Variants in NR3C1 observed in about 807,000 individuals in gnomAD.
The protein encoded by NR3C1 is glucocorticoid receptor.
In NR3C1, 14 loss-of-function variants were observed where a neutral mutation model predicts 74.0. The ratio of observed to expected loss-of-function variants is 0.19; its 90% CI spans 0.12 to 0.30. The LOEUF (loss-of-function observed/expected upper bound fraction) is 0.30, where lower values mean the gene tolerates loss of function less well. NR3C1 is among the 10% of genes least tolerant of loss of function. The pLI, the probability that NR3C1 is intolerant of heterozygous loss-of-function variation, is 1.00. For synonymous variants in NR3C1, 308 were observed against 332.5 expected (o/e 0.93, Z 0.80); for missense variants, 695 against 909.8 (o/e 0.76, Z 3.04).
chr5:143,398,048 A>G (rs1839548481), intron 2 of NR3C1, among the ~76,000 whole-genome samples: 2 of 151,992 alleles, frequency 1.3e-5, no homozygotes, highest in African/African-American at 4.8e-5. Context: ...TACATGTTTT[A>G]TAAATCAATT....
chr5:143,377,542 T>C (rs1017466388), intron 2 of NR3C1, among the ~76,000 whole-genome samples: 6 of 152,388 alleles, frequency 3.9e-5, no homozygotes, highest in African/African-American at 7.2e-5. Flanking sequence ...GTCTGCATCA[T>C]GTCTCTCTAG....
At chr5:143,343,361 T>G (rs1165773239) in intron 2 of NR3C1, among the ~76,000 whole-genome samples, 2 of 152,214 alleles carry the variant, frequency 1.3e-5, no homozygotes, top group Non-Finnish European at 2.9e-5. Flanking sequence ...TTGCTTGACC[T>G]GATAGTCTCC....
At chr5:143,285,501 A>G (rs1030214305) in intron 7 of NR3C1, among the ~76,000 whole-genome samples, 1 of 152,238 alleles carries the variant, frequency 6.6e-6, no homozygotes, top group African/African-American at 2.4e-5. Context: ...GTATACACAG[A>G]ACATTAATCT....
At position 143,362,782 on chromosome 5, in the gene NR3C1, C is replaced by T. The variant is rs187903592; in HGVS notation, c.1184+36874G>A. On this transcript the variant is annotated intron_variant, in intron 2 of 8. Coordinates refer to ENST00000394464, the MANE Select transcript of NR3C1 (RefSeq NM_000176.3). ...CTTAGTGCTTCCCTGGGGCACATGA[C>T]GGGTGGAGGAGTTGAAAACATTTAT... Among the ~76,000 whole-genome samples, 208 of 152,230 alleles carry T rather than the reference C, an allele frequency of 1.4e-3. 3 individuals carry two copies. Among genetic ancestry groups the T allele is most frequent in the East Asian group, 6.7e-3 (35 of 5,190 alleles).
rs1818338134 is a variant in NR3C1, at chr5:143,300,796, A to G, written c.1469-33T>C. On this transcript the variant is annotated intron_variant, in intron 4 of 8. Coordinates refer to ENST00000394464, the MANE Select transcript of NR3C1 (RefSeq NM_000176.3). This position sits in a 1 kb window ranked among gnomAD's most constrained non-coding sequence, Gnocchi z 5.2. ...TATTTAAACAAATACATAGAAATGA[A>G]CTGTAATGGGAAGGTCTGCGCTACA... 6.3e-7 allele frequency: 1 copy of G among 1,597,480 alleles called. No individual in the cohort carries two copies. Among genetic ancestry groups the G allele is most frequent in the Non-Finnish European group, 8.6e-7 (1 of 1,166,438 alleles).
chr5:143,279,115 C>T lies in NR3C1; in HGVS notation c.*2774G>A, dbSNP rs1812736629. The T allele has an allele frequency of 2.1e-6, 1 of 476,842 alleles. No homozygotes were observed. Among genetic ancestry groups the T allele is most frequent in the Non-Finnish European group, 3.6e-6 (1 of 275,412 alleles). 29.5% of individuals were successfully genotyped at this position (476,842 alleles called of 1,614,324 possible). A position where few individuals can be genotyped will look rare whatever the true frequency, so the allele number is the denominator to read the frequency against. On this transcript the variant is annotated 3_prime_UTR_variant, in exon 9 of 9. Transcript: ENST00000394464. ...GGTTGGGATGGCCAGATAACACATA[C>T]ATAGGAAATAAATCTGCTTTCAAAC... is the stretch of plus-strand genomic sequence containing the variant.
In NR3C1 at chr5:143,312,744, A is replaced by G. The variant is rs182823328; in HGVS notation, c.1351+1258T>C. ...AATCGTTAAGTCAGGGACTGTCCGT[A>G]TTATTATTATCACTGCATTTATATC... On this transcript the variant is annotated intron_variant, in intron 3 of 8. Coordinates refer to ENST00000394464, the MANE Select transcript of NR3C1 (RefSeq NM_000176.3). Among the ~76,000 whole-genome samples the G allele has an allele frequency of 3.9e-5, 6 of 152,298 alleles. No homozygotes were observed. The East Asian group carries it at 9.6e-4, about 24-fold the overall frequency.
chr5:143,426,506 C>T (rs1421153983), intron 1 of NR3C1, among the ~76,000 whole-genome samples: 7 of 152,074 alleles, frequency 4.6e-5, no homozygotes, highest in African/African-American at 7.2e-5. Flanking sequence ...CATTAATATT[C>T]GTTTTACAAA....
At chr5:143,294,907 C>T in intron 7 of NR3C1, 2 of 984,544 alleles carry the variant, frequency 2.0e-6, no homozygotes, top group East Asian at 2.3e-4. Flanking sequence ...TTTGTCTTTG[C>T]TAGCTAAAAA....
At chr5:143,405,269 C>T (rs914337294), upstream of NR3C1, 5 of 985,622 alleles carry the variant, frequency 5.1e-6, no homozygotes, top group African/African-American at 1.7e-5. Context: ...GCTCCTGACA[C>T]GGGCGGGGGC....
chr5:143,393,716 C>G (rs1382813620), intron 2 of NR3C1, among the ~76,000 whole-genome samples: 1 of 152,058 alleles, frequency 6.6e-6, no homozygotes, highest in African/African-American at 2.4e-5. Context: ...GGTCATAAGT[C>G]ACAGCACTGC....
chr5:143,342,060 C>G (rs61752277), intron 2 of NR3C1, among the ~76,000 whole-genome samples: 19 of 151,480 alleles, frequency 1.3e-4, no homozygotes, highest in African/African-American at 4.1e-4. Context: ...AGACTTTCAA[C>G]AAGAATCTAC....
chr5:143,337,399 T>C (rs2151728995), intron 2 of NR3C1, among the ~76,000 whole-genome samples: 1 of 152,302 alleles, frequency 6.6e-6, no homozygotes, highest in Middle Eastern at 3.4e-3. Flanking sequence ...TGGAAGACAG[T>C]TTGGTATTAT....
At position 143,401,603 on chromosome 5, in the gene NR3C1, T is replaced by C. The variant is rs10482617; in HGVS notation, c.-13-751A>G. Among the ~76,000 whole-genome samples the C allele has an allele frequency of 5.4e-3, 822 of 152,304 alleles. 5 individuals carry two copies. The highest frequency in any genetic ancestry group is 0.022 in the East Asian group (115 of 5,188). On this transcript the variant is annotated intron_variant, in intron 1 of 8. Coordinates refer to ENST00000394464, the MANE Select transcript of NR3C1 (RefSeq NM_000176.3). The stretch of plus-strand genomic sequence containing the variant: ...AAGAGCAGAAGAGAAGGTGTAGTAG[T>C]TTCTCACTACGTTGTTAGCTTACAT...
intron 2 of NR3C1, among the ~76,000 whole-genome samples, chr5:143,323,324 G>A (rs1458126631): frequency 6.6e-6 from 1 of 152,164 alleles, no homozygotes; most frequent in East Asian, 1.9e-4. Flanking sequence ...GAGGTGAAAG[G>A]TACTTCTTAC....
rs74830033 is a variant in NR3C1, at chr5:143,389,297, G to A, written c.1184+10359C>T. ...GCCAAGTGCAATTAGAAGGACCTTG[G>A]AGATCATCTAGTTAACCTCCCACTC... On this transcript the variant is annotated intron_variant, in intron 2 of 8. Coordinates refer to ENST00000394464, the MANE Select transcript of NR3C1 (RefSeq NM_000176.3). Among the ~76,000 whole-genome samples the A allele has an allele frequency of 3.3e-3, 506 of 152,202 alleles. 3 individuals carry two copies. The highest frequency in any genetic ancestry group is 6.5e-3 in the Non-Finnish European group (442 of 67,980).
intron 2 of NR3C1, among the ~76,000 whole-genome samples, chr5:143,390,287 A>G (rs1375294730): frequency 2.0e-5 from 3 of 152,296 alleles, no homozygotes; most frequent in Non-Finnish European, 4.4e-5. Context: ...TTTATATTGT[A>G]GCTATAACTC....
rs1453681800 is a variant in NR3C1, at chr5:143,341,532, A to G, written c.1185-27364T>C. On this transcript the variant is annotated intron_variant, in intron 2 of 8. Transcript: ENST00000394464. Reference sequence around the variant, plus strand: ...TTCAGGACATCTGGATACATGGCTCATAACTACCCCAAGTAACATCCCTTT... The same window carrying G: ...TTCAGGACATCTGGATACATGGCTCGTAACTACCCCAAGTAACATCCCTTT... 2.6e-5 allele frequency among the ~76,000 whole-genome samples: 4 copies of G among 152,262 alleles called. No homozygotes were observed. In the East Asian group the frequency reaches 7.7e-4, roughly 29 times the overall value.
At chr5:143,384,183 G>A (rs185483525) in intron 2 of NR3C1, among the ~76,000 whole-genome samples, 2 of 152,260 alleles carry the variant, frequency 1.3e-5, no homozygotes, top group East Asian at 1.9e-4. Flanking sequence ...GAGAACTCAC[G>A]ATCATGAGAA....
Sources: gnomAD v4.1 joint callset for allele counts (sites outside exome capture counted in the v4.1 genomes callset) on GRCh38, gnomAD v4.1.1 for gene constraint, Gnocchi (gnomAD v3.1) non-coding constraint, MANE v1.5 for transcripts, NCBI Gene and HGNC (gene_info 2026-07-23, HGNC 2026-07-21) for gene names.